Variants in ARAP2 observed in about 807,000 individuals in gnomAD.
The protein encoded by ARAP2 is ArfGAP with RhoGAP domain, ankyrin repeat and PH domain 2, also known as arf-GAP with Rho-GAP domain, ANK repeat and PH domain-containing protein 2.
A neutral mutation model predicts 194.5 loss-of-function variants in ARAP2; 148 were observed. The ratio of observed to expected loss-of-function variants is 0.76; its 90% confidence interval spans 0.67 to 0.87. The LOEUF (loss-of-function observed/expected upper bound fraction) is 0.87, where lower values mean the gene tolerates loss of function less well. Among genes scored for constraint, ARAP2 ranks in the 40% least tolerant of loss-of-function variants. The probability of loss-of-function intolerance (pLI) is 0.00; values close to 1 mark genes in which losing one functional copy is unlikely to be tolerated. For synonymous variants in ARAP2, 695 were observed against 683.5 expected (o/e 1.02, Z -0.26); for missense variants, 2,128 against 1,989.7 (o/e 1.07, Z -1.32).
intron 22 of ARAP2, 41 bp from the exon 23 acceptor site, chr4:36,121,367 T>C (rs28719905): frequency 6.6e-7 from 1 of 1,509,974 alleles, no homozygotes; most frequent in Non-Finnish European, 8.9e-7. Context: ...ACACTTTTAT[T>C]TGGAAATTTC....
intron 9 of ARAP2, among the ~76,000 whole-genome samples, chr4:36,176,941 T>C (rs1560597724): frequency 6.6e-6 from 1 of 152,226 alleles, no homozygotes; most frequent in East Asian, 1.9e-4. Flanking sequence ...ATAAAATGAG[T>C]TCATCTTAGA....
intron 31 of ARAP2, 123 bp from the exon 32 acceptor site, chr4:36,073,946 C>T: frequency 4.8e-6 from 6 of 1,250,028 alleles, no homozygotes; most frequent in Non-Finnish European, 6.7e-6. Flanking sequence ...ATGAGAATTC[C>T]ATTTGTGATT....
intron 31 of ARAP2, 52 bp from the exon 32 acceptor site, chr4:36,073,875 A>G (rs1474519077): frequency 6.3e-7 from 1 of 1,591,502 alleles, no homozygotes; most frequent in Non-Finnish European, 8.6e-7. Flanking sequence ...TATGTGGTAT[A>G]CTATGTCATA....
intron 7 of ARAP2, among the ~76,000 whole-genome samples, chr4:36,187,779 C>A (rs2109893566): frequency 6.6e-6 from 1 of 152,276 alleles, no homozygotes; most frequent in Non-Finnish European, 1.5e-5. Flanking sequence ...GAAGTGAGAT[C>A]TTTTCAACTT....
intron 11 of ARAP2, among the ~76,000 whole-genome samples, chr4:36,161,905 G>C (rs560235124): frequency 9.2e-5 from 14 of 151,446 alleles, no homozygotes; most frequent in Non-Finnish European, 1.6e-4. Context: ...TCAGGAGATC[G>C]AGAACATCCT....
At chr4:36,203,176 GA>G (rs1744788096) in intron 6 of ARAP2, among the ~76,000 whole-genome samples, 1 of 152,150 alleles carries the variant, frequency 6.6e-6, no homozygotes, top group Non-Finnish European at 1.5e-5. Context: ...AATAAAACAG[GA>G]GGTTTTGGGG....
intron 4 of ARAP2, among the ~76,000 whole-genome samples, chr4:36,212,864 T>C (rs936205494): frequency 1.3e-5 from 2 of 152,024 alleles, no homozygotes; most frequent in Non-Finnish European, 2.9e-5. Context: ...AGTGATAAAC[T>C]AAATAATTAA....
At position 36,221,063 on chromosome 4, in the gene ARAP2, C is replaced by T. The variant is rs184736099; in HGVS notation, c.906-6583G>A. ...ATATTTACACCATATTTTTACTGTA[C>T]CTTTTCTATGTTTAGATTTGTTTAA... On this transcript the variant is annotated intron_variant, in intron 2 of 32. Transcript: ENST00000303965. 3.3e-4 allele frequency among the ~76,000 whole-genome samples: 50 copies of T among 152,082 alleles called. No homozygotes were observed. In the South Asian group the frequency reaches 6.2e-3, roughly 19 times the overall value.
chr4:36,154,005 T>C (rs766117018), intron 15 of ARAP2, among the ~76,000 whole-genome samples: 12 of 152,266 alleles, frequency 7.9e-5, no homozygotes, highest in Admixed American at 3.9e-4. Flanking sequence ...AGGAACTCCA[T>C]GCAATTGGGT....
intron 7 of ARAP2, among the ~76,000 whole-genome samples, chr4:36,189,246 T>A (rs4642266): frequency 0.84 from 127,171 of 152,086 alleles, 53,367 homozygotes; most frequent in East Asian, 0.93. Flanking sequence ...TTTTCCACTA[T>A]TTTTTTTTAA....
intron 24 of ARAP2, among the ~76,000 whole-genome samples, chr4:36,117,377 C>T (rs186965589): frequency 1.4e-3 from 217 of 151,762 alleles, no homozygotes; most frequent in Middle Eastern, 6.8e-3. Context: ...TTATCTCTTA[C>T]TCAGGAGCTT....
downstream of ARAP2, chr4:36,065,431 C>T (rs1725237248): frequency 1.1e-5 from 5 of 468,542 alleles, no homozygotes; most frequent in African/African-American, 2.0e-5. Context: ...CTGCATGCCA[C>T]CACTCTTTGC....
chr4:36,225,218 C>T (rs186650990), intron 2 of ARAP2, among the ~76,000 whole-genome samples: 112 of 152,214 alleles, frequency 7.4e-4, no homozygotes, highest in African/African-American at 2.5e-3. Flanking sequence ...GCCCTTACCC[C>T]CAAAACATTC....
chr4:36,214,660 A>C (rs1747517133), intron 2 of ARAP2, among the ~76,000 whole-genome samples, 180 bp from the exon 3 acceptor site: 1 of 152,150 alleles, frequency 6.6e-6, no homozygotes, highest in Admixed American at 6.5e-5. Context: ...ATTAATTCTG[A>C]CTTGAAAAAA....
intron 9 of ARAP2, among the ~76,000 whole-genome samples, chr4:36,012,078 C>T (rs1438053887): frequency 6.6e-6 from 1 of 152,050 alleles, no homozygotes; most frequent in African/African-American, 2.4e-5. Flanking sequence ...TAAATAATTT[C>T]CAATGAACTA....
In ARAP2 at chr4:36,133,247, T is replaced by TACA; in HGVS notation, c.3403_3405dup (p.Cys1135dup). On this transcript the variant is annotated inframe_insertion, in exon 20 of 33. Coordinates refer to ENST00000303965, the MANE Select transcript of ARAP2 (RefSeq NM_015230.4). ...TTACCATACTGTGTAACAAATGCTA[T>TACA]ACAGCTGTTCACTATAATGGGAACG... 6.2e-7 allele frequency: 1 copy of TACA among 1,610,896 alleles called. No individual in the cohort carries two copies. The highest frequency in any genetic ancestry group is 8.5e-7 in the Non-Finnish European group (1 of 1,178,012).
chr4:36,191,951 T>C (rs2109911827), intron 7 of ARAP2, among the ~76,000 whole-genome samples: 1 of 152,266 alleles, frequency 6.6e-6, no homozygotes, highest in South Asian at 2.1e-4. Flanking sequence ...ACCTAGGGAA[T>C]GTGTAACTGT....
chr4:36,195,121 T>A (rs1177754720), intron 6 of ARAP2, among the ~76,000 whole-genome samples: 1 of 152,114 alleles, frequency 6.6e-6, no homozygotes, highest in Non-Finnish European at 1.5e-5. Flanking sequence ...GAGTTACGAC[T>A]GCACCACTGT....
chr4:36,160,546 C>G lies in ARAP2; in HGVS notation c.2355G>C (p.Lys785Asn). 1 of 1,572,190 alleles carries G rather than the reference C, an allele frequency of 6.4e-7. No individual in the cohort carries two copies. The part of the protein sequence containing the change: ...EELHMDSPVE[K>N]RKNFITQKYK... ...ATTTCTGAGTAATAAAGTTTTTTCTCTTTTCTACTGGTGAGTCCATATGTA... is the reference window on the plus strand; with the variant it reads ...ATTTCTGAGTAATAAAGTTTTTTCTGTTTTCTACTGGTGAGTCCATATGTA... Residue 785 changes from lysine to asparagine, a missense_variant, in exon 13 of 33, where the codon AAG (lysine) becomes AAC (asparagine). Transcript: ENST00000303965.
Sources: gnomAD v4.1 joint callset for allele counts (sites outside exome capture counted in the v4.1 genomes callset) on GRCh38, gnomAD v4.1.1 for gene constraint, MANE v1.5 for transcripts, NCBI Gene and HGNC (gene_info 2026-07-23, HGNC 2026-07-21) for gene names.